The following CREB3L2 variants were observed in gnomAD, a reference collection of about 807,000 sequenced individuals.
The protein encoded by CREB3L2 is cyclic AMP-responsive element-binding protein 3-like protein 2.
A neutral mutation model predicts 57.2 loss-of-function variants in CREB3L2; 23 were observed. The observed-to-expected ratio is 0.40, with a 90% CI of 0.29 to 0.57. CREB3L2 has a LOEUF of 0.57. Among genes scored for constraint, CREB3L2 ranks in the 20% least tolerant of loss-of-function variants. The pLI is 0.42. For synonymous variants in CREB3L2, 268 were observed against 265.1 expected (o/e 1.01, Z -0.11); for missense variants, 628 against 634.7 (o/e 0.99, Z 0.11).
At chr7:137,956,532 C>T (rs1259971338) in intron 1 of CREB3L2, 3 of 989,602 alleles carry the variant, frequency 3.0e-6, no homozygotes, top group Admixed American at 2.3e-5. Context: ...CTCCTAAGCC[C>T]ACCTGAGCTG....
In CREB3L2 at chr7:137,877,497, G is replaced by A. The variant is rs1002490077; in HGVS notation, c.*2979C>T. The A allele has an allele frequency of 4.9e-5, 11 of 225,512 alleles. No homozygotes were observed. Among genetic ancestry groups the A allele is most frequent in the African/African-American group, 2.0e-4 (9 of 44,870 alleles). 14.0% of individuals were successfully genotyped at this position (225,512 alleles called of 1,614,324 possible). A position where few individuals can be genotyped will look rare whatever the true frequency, so the allele number is the denominator to read the frequency against. ...AATATCCCTTTTTAAGTGCAAAGTC[G>A]AGGGCTGTGAAAAGAACCACGGTGG... On this transcript the variant is annotated 3_prime_UTR_variant, in exon 12 of 12. Transcript: ENST00000330387.
chr7:137,912,306 G>A (rs1444377799), intron 4 of CREB3L2, among the ~76,000 whole-genome samples: 2 of 151,762 alleles, frequency 1.3e-5, no homozygotes, highest in East Asian at 3.9e-4. Flanking sequence ...GAACCTGGGA[G>A]GCAGAGGTTG....
chr7:137,968,785 C>T (rs1380040245), intron 1 of CREB3L2, among the ~76,000 whole-genome samples: 2 of 152,160 alleles, frequency 1.3e-5, no homozygotes, highest in East Asian at 1.9e-4. Flanking sequence ...AACTCTCTAT[C>T]CCAACTCATA....
At chr7:137,903,820 G>A (rs1272667268) in intron 7 of CREB3L2, 139 bp downstream of exon 7, 2 of 707,316 alleles carry the variant, frequency 2.8e-6, no homozygotes, top group Non-Finnish European at 5.0e-6. Context: ...TAGGTGGCAG[G>A]CAAACCACAG....
intron 1 of CREB3L2, among the ~76,000 whole-genome samples, chr7:137,942,434 T>C (rs1213088877): frequency 6.6e-6 from 1 of 152,200 alleles, no homozygotes; most frequent in Non-Finnish European, 1.5e-5. Flanking sequence ...TCTAAATGAA[T>C]AGGGAAACAT....
chr7:137,959,452 A>G (rs117710340), intron 1 of CREB3L2, among the ~76,000 whole-genome samples: 3,952 of 152,296 alleles, frequency 0.026, 76 homozygotes, highest in Non-Finnish European at 0.038. Context: ...ACCTGAGCAC[A>G]GACTCATAGG....
Position 137,893,807 on chromosome 7 carries a change from T to C in CREB3L2, c.1043+7547A>G, listed in dbSNP as rs546555571. Reference sequence around the variant, plus strand: ...AATAGAGATAAATGTCAGGCAAGCATGTCCCTTAATTCTGTGAGGTCTGAG... The same window carrying C: ...AATAGAGATAAATGTCAGGCAAGCACGTCCCTTAATTCTGTGAGGTCTGAG... On this transcript the variant is annotated intron_variant, in intron 8 of 11. Transcript: ENST00000330387. 5.4e-4 allele frequency among the ~76,000 whole-genome samples: 82 copies of C among 152,356 alleles called. 1 individual carries two copies. In the South Asian group the frequency reaches 0.016, roughly 30 times the overall value.
chr7:137,880,807 T>C lies in CREB3L2; in HGVS notation c.1488-256A>G, dbSNP rs147699766. Among the ~76,000 whole-genome samples, 1 of 152,332 alleles carries C rather than the reference T, an allele frequency of 6.6e-6. No individual in the cohort carries two copies. The highest frequency in any genetic ancestry group is 2.4e-5 in the African/African-American group (1 of 41,580). Reference sequence around the variant, plus strand: ...CCCTACTAAGGATAATCATGGTGGCTTGATATTGATCTGCTATGAGATGCA... The same window carrying C: ...CCCTACTAAGGATAATCATGGTGGCCTGATATTGATCTGCTATGAGATGCA... On this transcript the variant is annotated intron_variant, in intron 11 of 11. Coordinates refer to ENST00000330387, the MANE Select transcript of CREB3L2 (RefSeq NM_194071.4). The surrounding 1 kb of genome is among the most constrained non-coding windows in gnomAD (Gnocchi z 4.0).
At chr7:137,898,206 A>G (rs1799666498) in intron 8 of CREB3L2, among the ~76,000 whole-genome samples, 1 of 152,334 alleles carries the variant, frequency 6.6e-6, no homozygotes, top group South Asian at 2.1e-4. Context: ...AAAACCCTAC[A>G]TGATATCACT....
intron 8 of CREB3L2, among the ~76,000 whole-genome samples, chr7:137,896,591 G>A (rs902940662): frequency 5.9e-5 from 9 of 152,256 alleles, no homozygotes; most frequent in Admixed American, 3.3e-4. Flanking sequence ...GTGAGCCACC[G>A]CGCCAGGTCT....
At chr7:137,987,876 C>G (rs1423078357) in intron 1 of CREB3L2, among the ~76,000 whole-genome samples, 1 of 152,132 alleles carries the variant, frequency 6.6e-6, no homozygotes, top group Non-Finnish European at 1.5e-5. Context: ...GTTTGTAACA[C>G]GGGTGGTTCA....
chr7:137,958,373 AT>A (rs1801257293), intron 1 of CREB3L2, among the ~76,000 whole-genome samples: 1 of 152,194 alleles, frequency 6.6e-6, no homozygotes, highest in South Asian at 2.1e-4. Context: ...TGATCAGAAA[AT>A]AAACCTTTGG....
intron 1 of CREB3L2, among the ~76,000 whole-genome samples, chr7:137,952,835 G>GTC (rs533714565): frequency 8.7e-4 from 132 of 152,018 alleles, no homozygotes; most frequent in South Asian, 3.5e-3. Context: ...TTTAGACGGG[G>GTC]TCTCTCTCTC....
chr7:137,913,185 C>T (rs553817170), intron 3 of CREB3L2, 107 bp from the exon 4 acceptor site: 13 of 1,160,052 alleles, frequency 1.1e-5, no homozygotes, highest in Middle Eastern at 2.0e-4. Flanking sequence ...ACAGCCCTGC[C>T]TATCCTGGAG....
At chr7:137,882,235 G>A (rs1183690834) in intron 11 of CREB3L2, among the ~76,000 whole-genome samples, 177 bp downstream of exon 11, 1 of 152,168 alleles carries the variant, frequency 6.6e-6, no homozygotes, top group Non-Finnish European at 1.5e-5. Context: ...TCTCTGCTCA[G>A]GGCAACTGTT....
chr7:137,999,120 A>G (rs1802035863), intron 1 of CREB3L2, among the ~76,000 whole-genome samples: 2 of 152,296 alleles, frequency 1.3e-5, no homozygotes, highest in South Asian at 4.1e-4. Flanking sequence ...ACACAGTCTC[A>G]TGAAAATGCA....
chr7:137,918,907 C>G (rs1288897101), intron 2 of CREB3L2, among the ~76,000 whole-genome samples: 1 of 152,076 alleles, frequency 6.6e-6, no homozygotes, highest in African/African-American at 2.4e-5. Flanking sequence ...TACAAACATA[C>G]AAATATCATC....
Position 137,877,685 on chromosome 7 carries a change from TGACA to T in CREB3L2, c.*2787_*2790del, listed in dbSNP as rs1799188664. 1 of 227,044 alleles carries T rather than the reference TGACA, an allele frequency of 4.4e-6. No homozygotes were observed. The highest frequency in any genetic ancestry group is 8.7e-6 in the Non-Finnish European group (1 of 114,416). 14.1% of individuals were successfully genotyped at this position (227,044 alleles called of 1,614,324 possible). On this transcript the variant is annotated 3_prime_UTR_variant, in exon 12 of 12. Coordinates refer to ENST00000330387, the MANE Select transcript of CREB3L2 (RefSeq NM_194071.4). ...GACTCTTTATGGCTTATGGCCGCTC[TGACA>T]GACTCGTATTTCTCAAAACTTACAT...
At chr7:137,891,884 T>C (rs762675600) in intron 8 of CREB3L2, among the ~76,000 whole-genome samples, 6 of 152,186 alleles carry the variant, frequency 3.9e-5, no homozygotes, top group African/African-American at 1.4e-4. Context: ...CAGCCACACA[T>C]ACTTCCATCA....
Sources: allele counts gnomAD v4.1 joint callset (sites outside exome capture counted in the v4.1 genomes callset), GRCh38; gene constraint gnomAD v4.1.1; non-coding constraint Gnocchi (gnomAD v3.1); transcripts MANE v1.5; gene names NCBI Gene and HGNC (gene_info 2026-07-23, HGNC 2026-07-21).